Variants in KIF13A observed in about 807,000 individuals in gnomAD.
KIF13A encodes the protein kinesin-like protein KIF13A.
KIF13A carries 79 observed loss-of-function variants against 212.2 expected under a neutral mutation model. The observed-to-expected ratio is 0.37, with a 90% CI of 0.31 to 0.45. The LOEUF is 0.45. Among genes scored for constraint, KIF13A ranks in the 20% least tolerant of loss-of-function variants. The pLI is 1.00. For missense variants in KIF13A, 1,901 were observed against 2,209.0 expected (o/e 0.86, Z 2.79); for synonymous variants, 789 against 808.6 (o/e 0.98, Z 0.41).
In KIF13A at chr6:17,779,070, C is replaced by T. The variant is rs747536226; in HGVS notation, c.3969G>A (p.Thr1323=). Residue 1323 remains threonine (T), a synonymous_variant, in exon 33 of 39, where the codon ACG becomes ACA. Coordinates refer to ENST00000259711, the MANE Select transcript of KIF13A (RefSeq NM_022113.6). ...KATEEIEDRE[T]LALLAARSEN... is the part of the protein sequence containing the mutation. ...CACTCCTTGCTGCCAGGAGAGCCAG[C>T]GTTTCCCGGTCCTCTATCTCCTCAG... is the stretch of plus-strand genomic sequence containing the variant. The T allele has an allele frequency of 1.2e-5, 20 of 1,613,432 alleles. No individual in the cohort carries two copies. The highest frequency in any genetic ancestry group is 5.0e-5 in the Admixed American group (3 of 59,934).
rs201686270 is a variant in KIF13A at position 17,777,836 on chromosome 6, T to A, written c.4093-482A>T. ...TATTTGTTTAGCAATTTATCAAAAA[T>A]ATTTTTTTTAAGATAAATAAAACTG... is the stretch of plus-strand genomic sequence containing the variant. On this transcript the variant is annotated intron_variant, in intron 33 of 38. Transcript: ENST00000259711. This position sits in a 1 kb window ranked among gnomAD's most constrained non-coding sequence, Gnocchi z 4.4. 8.3e-6 allele frequency among the ~76,000 whole-genome samples: 1 copy of A among 121,026 alleles called. No homozygotes were observed. Among genetic ancestry groups the A allele is most frequent in the Non-Finnish European group, 1.9e-5 (1 of 51,422 alleles). The allele number at this position is 121,026 out of a possible 152,430, so 79.4% of individuals were successfully genotyped here.
chr6:17,908,754 CAACT>C (rs1486437069), intron 2 of KIF13A, among the ~76,000 whole-genome samples: 1 of 150,876 alleles, frequency 6.6e-6, no homozygotes, highest in African/African-American at 2.4e-5. Context: ...AAAAGAAAAA[CAACT>C]AATTTTGTAC....
chr6:17,849,074 T>A lies in KIF13A; in HGVS notation c.830+303A>T, dbSNP rs893786510. On this transcript the variant is annotated intron_variant, in intron 9 of 38. Transcript: ENST00000259711. This position sits in a 1 kb window ranked among gnomAD's most constrained non-coding sequence, Gnocchi z 5.7. ...CTGGGGTTACCGGTGTGCGTGACCGTGCCTTTTTAGTAGAGATGGGGTTTT... is the reference window on the plus strand; with the variant it reads ...CTGGGGTTACCGGTGTGCGTGACCGAGCCTTTTTAGTAGAGATGGGGTTTT... Among the ~76,000 whole-genome samples, 1 of 152,122 alleles carries A rather than the reference T, an allele frequency of 6.6e-6. No individual in the cohort carries two copies. Among genetic ancestry groups the A allele is most frequent in the Non-Finnish European group, 1.5e-5 (1 of 68,014 alleles).
intron 17 of KIF13A, among the ~76,000 whole-genome samples, chr6:17,814,530 A>G (rs1763750285): frequency 6.6e-6 from 1 of 151,624 alleles, no homozygotes; most frequent in African/African-American, 2.4e-5. Flanking sequence ...TACAGGCGTG[A>G]GCCACCGCGC....
At position 17,852,020 on chromosome 6, in the gene KIF13A, G is replaced by T. The variant is rs1218231290; in HGVS notation, c.517C>A (p.Arg173=). Residue 173 remains arginine, a synonymous_variant, in exon 7 of 39, where the codon CGA becomes AGA. Transcript: ENST00000259711. ...PKGSRQSLKV[R]EHKVLGPYVD... ...TATGGTCCCAAAACTTTATGTTCTC[G>T]AACTTTAAGAGACTGTCTACTCCTG... is the stretch of plus-strand genomic sequence containing the variant. 6.5e-7 allele frequency: 1 copy of T among 1,546,634 alleles called. No individual in the cohort carries two copies. Among genetic ancestry groups the T allele is most frequent in the Non-Finnish European group, 8.7e-7 (1 of 1,147,998 alleles).
intron 2 of KIF13A, among the ~76,000 whole-genome samples, chr6:17,964,285 A>C (rs937536002): frequency 5.3e-5 from 8 of 152,084 alleles, no homozygotes; most frequent in Non-Finnish European, 1.2e-4. Context: ...TAAAACAAAC[A>C]CCCTTGAAAA....
At chr6:17,974,718 G>A (rs1312545604) in intron 2 of KIF13A, among the ~76,000 whole-genome samples, 1 of 152,072 alleles carries the variant, frequency 6.6e-6, no homozygotes, top group African/African-American at 2.4e-5. Context: ...AGAATCTCTG[G>A]GTCTGGGACC....
At chr6:17,841,430 A>C (rs1766497500) in intron 9 of KIF13A, among the ~76,000 whole-genome samples, 1 of 152,196 alleles carries the variant, frequency 6.6e-6, no homozygotes, top group Admixed American at 6.5e-5. Context: ...CATAAGCAAG[A>C]TGCATATGCT....
chr6:17,964,778 T>C (rs1779148001), intron 2 of KIF13A, among the ~76,000 whole-genome samples: 1 of 152,166 alleles, frequency 6.6e-6, no homozygotes, highest in South Asian at 2.1e-4. Flanking sequence ...TTATCCCAGA[T>C]AACCCAGGTC....
In KIF13A at chr6:17,918,369, G is replaced by T. The variant is rs1774738400; in HGVS notation, c.147-20189C>A. Among the ~76,000 whole-genome samples, 1 of 152,134 alleles carries T rather than the reference G, an allele frequency of 6.6e-6. No individual in the cohort carries two copies. Among genetic ancestry groups the T allele is most frequent in the Non-Finnish European group, 1.5e-5 (1 of 68,026 alleles). ...CCCACACTGCCATTTATGACAAGTT[G>T]TACTTAAACGGCAGCCTATTTTTAC... On this transcript the variant is annotated intron_variant, in intron 2 of 38. Transcript: ENST00000259711. This position sits in a 1 kb window ranked among gnomAD's most constrained non-coding sequence, Gnocchi z 4.8.
intron 11 of KIF13A, among the ~76,000 whole-genome samples, chr6:17,836,415 A>C (rs1765955937): frequency 6.6e-6 from 1 of 152,216 alleles, no homozygotes; most frequent in Non-Finnish European, 1.5e-5. Flanking sequence ...AGCAGGAATT[A>C]TCTCTTATTT....
chr6:17,819,065 T>A (rs1485370237), intron 16 of KIF13A, among the ~76,000 whole-genome samples: 1 of 149,012 alleles, frequency 6.7e-6, no homozygotes, highest in Non-Finnish European at 1.5e-5. Context: ...AGTGGCGCGA[T>A]CTCGGCTCAC....
chr6:17,818,717 G>A (rs1421904938), intron 16 of KIF13A, among the ~76,000 whole-genome samples: 2 of 152,092 alleles, frequency 1.3e-5, no homozygotes, highest in Non-Finnish European at 2.9e-5. Flanking sequence ...GGCTCAAAAA[G>A]GCTAAACAGC....
intron 2 of KIF13A, among the ~76,000 whole-genome samples, chr6:17,985,275 A>C (rs1781442926): frequency 6.6e-6 from 1 of 152,186 alleles, no homozygotes; most frequent in Non-Finnish European, 1.5e-5. Context: ...TAGATCCCAA[A>C]ATCACCCTTC....
Position 17,828,207 on chromosome 6 carries a change from A to G in KIF13A, c.1532+33T>C. On this transcript the variant is annotated intron_variant, in intron 14 of 38. Coordinates refer to ENST00000259711, the MANE Select transcript of KIF13A (RefSeq NM_022113.6). This position sits in a 1 kb window ranked among gnomAD's most constrained non-coding sequence, Gnocchi z 4.3. The stretch of plus-strand genomic sequence containing the variant: ...TTCTCCTTCTGAAAATAAGGCACAC[A>G]AGACACGTGAAGTCACCATTTACTT... 6.3e-7 allele frequency: 1 copy of G among 1,599,172 alleles called. No homozygotes were observed. Among genetic ancestry groups the G allele is most frequent in the East Asian group, 2.2e-5 (1 of 44,524 alleles).
At chr6:17,870,126 T>A (rs2150430489) in intron 4 of KIF13A, among the ~76,000 whole-genome samples, 1 of 152,316 alleles carries the variant, frequency 6.6e-6, no homozygotes, top group Admixed American at 6.5e-5. Context: ...ATAGTAAGCA[T>A]GAATTTTACC....
intron 2 of KIF13A, among the ~76,000 whole-genome samples, chr6:17,985,357 A>G (rs147467428): frequency 5.8e-4 from 88 of 152,338 alleles, no homozygotes; most frequent in Non-Finnish European, 9.6e-4. Context: ...CTGATTACTT[A>G]GCATTTGGAA....
intron 2 of KIF13A, among the ~76,000 whole-genome samples, chr6:17,983,301 A>C (rs1233104163): frequency 6.6e-6 from 1 of 152,194 alleles, no homozygotes. Flanking sequence ...ACTAAATGAC[A>C]GTGGCTACCC....
At position 17,778,801 on chromosome 6, in the gene KIF13A, A is replaced by G. The variant is rs1760220226; in HGVS notation, c.4092+146T>C. 7.1e-6 allele frequency: 6 copies of G among 847,204 alleles called. No individual in the cohort carries two copies. The Admixed American group carries it at 1.4e-4, about 19-fold the overall frequency. 52.5% of individuals were successfully genotyped at this position (847,204 alleles called of 1,614,324 possible). A position where few individuals can be genotyped will look rare whatever the true frequency, so the allele number is the denominator to read the frequency against. On this transcript the variant is annotated intron_variant, in intron 33 of 38. Transcript: ENST00000259711. ...AGTCATTATTTTTATTTTGGTTACT[A>G]TTTTGCCAGAGTCCTTTCAATAGAG...
Sources: allele counts gnomAD v4.1 joint callset (sites outside exome capture counted in the v4.1 genomes callset), GRCh38; gene constraint gnomAD v4.1.1; non-coding constraint Gnocchi (gnomAD v3.1); transcripts MANE v1.5; gene names NCBI Gene and HGNC (gene_info 2026-07-23, HGNC 2026-07-21).